The following RBM6 variants were observed in gnomAD, a reference collection of about 807,000 sequenced individuals.
The protein encoded by RBM6 is RNA binding motif protein 6, also known as RNA-binding protein 6.
In RBM6, 23 loss-of-function variants were observed where a neutral mutation model predicts 140.4. That is an observed-to-expected ratio of 0.16 (90% CI 0.12 to 0.23). The LOEUF (loss-of-function observed/expected upper bound fraction) is 0.23. RBM6 is among the 10% of genes least tolerant of loss of function. The pLI is 1.00. For synonymous variants in RBM6, 439 were observed against 475.6 expected, an observed-to-expected ratio of 0.92 and a Z score of 1.00; for missense variants, 1,139 against 1,386.7, an observed-to-expected ratio of 0.82 and a Z score of 2.84.
At chr3:49,957,011 C>T (rs2084023814) in intron 1 of RBM6, among the ~76,000 whole-genome samples, 1 of 152,078 alleles carries the variant, frequency 6.6e-6, no homozygotes, top group Non-Finnish European at 1.5e-5. Flanking sequence ...GAGGGAGGGT[C>T]TTGCTGTGTT....
chr3:50,051,687 A>AT (rs762140342), intron 7 of RBM6, among the ~76,000 whole-genome samples: 2 of 152,238 alleles, frequency 1.3e-5, no homozygotes, highest in African/African-American at 4.8e-5. Flanking sequence ...ACCTATTAAA[A>AT]TTTTTTTGTA....
intron 6 of RBM6, among the ~76,000 whole-genome samples, chr3:50,037,610 G>A (rs2088620481): frequency 6.6e-6 from 1 of 152,144 alleles, no homozygotes; most frequent in South Asian, 2.1e-4. Context: ...GGAGGTGATA[G>A]ATAAAGGGTC....
chr3:50,068,668 A>C, intron 17 of RBM6, 22 bp from the exon 18 acceptor site: 1 of 1,610,680 alleles, frequency 6.2e-7, no homozygotes, highest in Non-Finnish European at 8.5e-7. Context: ...ACCTATACTC[A>C]TAGAATTGCC....
intron 5 of RBM6, among the ~76,000 whole-genome samples, chr3:49,999,057 A>G (rs1224596863): frequency 7.4e-6 from 1 of 135,156 alleles, no homozygotes; most frequent in Non-Finnish European, 1.6e-5. Flanking sequence ...TTTTTTTTCC[A>G]GATACTTTCT....
At chr3:49,978,137 A>G (rs1212343637) in intron 5 of RBM6, among the ~76,000 whole-genome samples, 1 of 151,976 alleles carries the variant, frequency 6.6e-6, no homozygotes, top group Non-Finnish European at 1.5e-5. Flanking sequence ...AGTATTTGGG[A>G]CTACAGGTGC....
chr3:50,073,320 G>A (rs2090362806), intron 19 of RBM6, among the ~76,000 whole-genome samples: 1 of 152,180 alleles, frequency 6.6e-6, no homozygotes, highest in Admixed American at 6.5e-5. Flanking sequence ...AGATTGAGGA[G>A]CTGCATCTGG....
At chr3:50,045,568 G>A (rs910660506) in intron 6 of RBM6, among the ~76,000 whole-genome samples, 2 of 152,178 alleles carry the variant, frequency 1.3e-5, no homozygotes, top group African/African-American at 2.4e-5. Context: ...AAGTACTGTC[G>A]TAAAGATACA....
rs1171636981 is a variant in RBM6 at position 49,941,640 on chromosome 3, C to CAA, written c.-67+1444_-67+1445dup. 3.1e-3 allele frequency among the ~76,000 whole-genome samples: 180 copies of CAA among 58,694 alleles called. 4 individuals are homozygous for CAA. Among genetic ancestry groups the CAA allele is most frequent in the African/African-American group, 6.4e-3 (89 of 13,930 alleles). 38.5% of individuals were successfully genotyped at this position (58,694 alleles called of 152,430 possible). A position where few individuals can be genotyped will look rare whatever the true frequency, so the allele number is the denominator to read the frequency against. On this transcript the variant is annotated intron_variant, in intron 1 of 20. Coordinates refer to ENST00000266022, the MANE Select transcript of RBM6 (RefSeq NM_005777.3). The stretch of plus-strand genomic sequence containing the variant: ...GGGCCACAAGAGTGAAACTCTGTCT[C>CAA]AAAAAAAAAAAAAAAAAAAAAAAAA...
rs755706352 is a variant in RBM6, at chr3:49,968,784, T to C, written c.1323+36T>C. ...GGGGTGGATTGCTTTTTTTTTTTTT[T>C]TTTTTTTTTTTTTTGAGACGGAGTC... On this transcript the variant is annotated intron_variant, in intron 3 of 20. Coordinates refer to ENST00000266022, the MANE Select transcript of RBM6 (RefSeq NM_005777.3). The C allele has an allele frequency of 7.6e-5, 112 of 1,469,896 alleles. 1 individual carries two copies. In the East Asian group the frequency reaches 1.6e-3, roughly 20 times the overall value. 91.1% of individuals were successfully genotyped at this position (1,469,896 alleles called of 1,614,324 possible). A position where few individuals can be genotyped will look rare whatever the true frequency, so the allele number is the denominator to read the frequency against.
chr3:50,023,073 C>T (rs1282467225), intron 6 of RBM6, among the ~76,000 whole-genome samples: 2 of 152,086 alleles, frequency 1.3e-5, no homozygotes, highest in Non-Finnish European at 2.9e-5. Context: ...TACATTCCAG[C>T]CTGGGTGACA....
chr3:49,984,601 ACATCACATCACATCG>A (rs1178839473), intron 5 of RBM6, among the ~76,000 whole-genome samples: 41 of 91,682 alleles, frequency 4.5e-4, no homozygotes, highest in East Asian at 2.4e-3. Flanking sequence ...ACATCACATC[ACATCACATCACATCG>A]CATCGCATCG....
intron 6 of RBM6, among the ~76,000 whole-genome samples, chr3:50,025,824 C>T (rs1018656248): frequency 3.3e-5 from 5 of 151,754 alleles, no homozygotes; most frequent in Non-Finnish European, 7.4e-5. Flanking sequence ...ATCAGGGTTA[C>T]AGCAGTAATT....
At chr3:49,997,522 T>C (rs1468622841) in intron 5 of RBM6, among the ~76,000 whole-genome samples, 1 of 152,168 alleles carries the variant, frequency 6.6e-6, no homozygotes, top group African/African-American at 2.4e-5. Flanking sequence ...TTAGTATTAG[T>C]TCTCTATGTT....
intron 6 of RBM6, among the ~76,000 whole-genome samples, chr3:50,008,155 TTTAA>T (rs1559579304): frequency 6.6e-6 from 1 of 152,206 alleles, no homozygotes; most frequent in Non-Finnish European, 1.5e-5. Flanking sequence ...TCTCAGGCTC[TTTAA>T]TTATGAGAGG....
At chr3:50,029,505 C>T (rs1239712518) in intron 6 of RBM6, among the ~76,000 whole-genome samples, 1 of 152,082 alleles carries the variant, frequency 6.6e-6, no homozygotes, top group African/African-American at 2.4e-5. Flanking sequence ...GAGGCTGAGG[C>T]GGGCAGATCA....
chr3:50,031,966 CT>C (rs1446781796), intron 6 of RBM6, among the ~76,000 whole-genome samples: 2 of 152,112 alleles, frequency 1.3e-5, no homozygotes, highest in Non-Finnish European at 2.9e-5. Flanking sequence ...ATAAATACAC[CT>C]ACTATGTATC....
chr3:50,006,606 A>C (rs951575184), intron 6 of RBM6, among the ~76,000 whole-genome samples: 1 of 152,088 alleles, frequency 6.6e-6, no homozygotes, highest in Non-Finnish European at 1.5e-5. Context: ...ACATCTAGGG[A>C]TTAAATAAGT....
At chr3:50,066,541 C>A in intron 17 of RBM6, 39 bp downstream of exon 17, 1 of 1,589,572 alleles carries the variant, frequency 6.3e-7, no homozygotes, top group Non-Finnish European at 8.6e-7. Flanking sequence ...AAACTGTTGA[C>A]TCTTGGCCGG....
At chr3:50,028,698 A>T (rs1410505638) in intron 6 of RBM6, among the ~76,000 whole-genome samples, 1 of 152,250 alleles carries the variant, frequency 6.6e-6, no homozygotes, top group African/African-American at 2.4e-5. Context: ...TGAAAGGTCC[A>T]TGAAAGCAGG....
Sources: gnomAD v4.1 joint callset for allele counts (sites outside exome capture counted in the v4.1 genomes callset) on GRCh38, gnomAD v4.1.1 for gene constraint, MANE v1.5 for transcripts, NCBI Gene and HGNC (gene_info 2026-07-23, HGNC 2026-07-21) for gene names.